RABGAP1L: variants seen among roughly 807,000 people sequenced by gnomAD.
RABGAP1L encodes RAB GTPase activating protein 1 like.
Under a neutral mutation model 137.7 loss-of-function variants are expected in RABGAP1L, and 63 were observed. The ratio of observed to expected loss-of-function variants is 0.46; its 90% CI spans 0.37 to 0.56. The LOEUF is 0.56. RABGAP1L is among the 20% of genes least tolerant of loss of function. RABGAP1L has a pLI of 0.00. For synonymous variants in RABGAP1L, 431 were observed against 433.7 expected, an observed-to-expected ratio of 0.99 and a Z score of 0.08; for missense variants, 1,095 against 1,244.0, an observed-to-expected ratio of 0.88 and a Z score of 1.80.
At chr1:174,419,325 T>G (rs191590685) in intron 13 of RABGAP1L, among the ~76,000 whole-genome samples, 7 of 152,304 alleles carry the variant, frequency 4.6e-5, no homozygotes, top group Admixed American at 4.6e-4. Flanking sequence ...TATCAGGCAA[T>G]GTCAACACTA....
rs190236730 is a variant in RABGAP1L at position 174,215,126 on chromosome 1, G to A, written c.-33-3999G>A. ...TTAATAACCAGAATATATAAGGAGC[G>A]CAAACAACTCTATAGGAAAAAGTCT... On this transcript the variant is annotated intron_variant, in intron 1 of 25. Transcript: ENST00000681986. Among the ~76,000 whole-genome samples the A allele has an allele frequency of 1.2e-4, 18 of 152,102 alleles. No individual in the cohort carries two copies. The East Asian group carries it at 2.7e-3, about 23-fold the overall frequency.
intron 13 of RABGAP1L, among the ~76,000 whole-genome samples, chr1:174,484,692 G>T (rs1456574431): frequency 6.6e-6 from 1 of 152,150 alleles, no homozygotes; most frequent in East Asian, 1.9e-4. Context: ...TGTCAAAAAT[G>T]AATTCATTGT....
intron 11 of RABGAP1L, among the ~76,000 whole-genome samples, chr1:174,306,515 GTGA>G (rs1386036859): frequency 6.6e-6 from 1 of 152,206 alleles, no homozygotes; most frequent in Non-Finnish European, 1.5e-5. Flanking sequence ...CTGATGGCCA[GTGA>G]TGATGAGCAT....
intron 4 of RABGAP1L, among the ~76,000 whole-genome samples, chr1:174,234,327 A>G (rs1670960596): frequency 1.6e-5 from 2 of 128,906 alleles, no homozygotes; most frequent in Non-Finnish European, 3.1e-5. Flanking sequence ...TGTTTTGGAC[A>G]TGAAGTCCTT....
chr1:174,958,302 T>G (rs1668789531), intron 20 of RABGAP1L: 1 of 893,012 alleles, frequency 1.1e-6, no homozygotes, highest in Non-Finnish European at 1.5e-6. Context: ...ATACGTTCGT[T>G]AATTGTGAAT....
chr1:174,417,977 G>A (rs1480385629), intron 13 of RABGAP1L, among the ~76,000 whole-genome samples: 1 of 152,076 alleles, frequency 6.6e-6, no homozygotes, highest in Non-Finnish European at 1.5e-5. Flanking sequence ...TTTTTATATT[G>A]TGATAAAATT....
chr1:174,219,147 G>A lies in RABGAP1L; in HGVS notation c.-11G>A, dbSNP rs2103640. On this transcript the variant is annotated 5_prime_UTR_variant, in exon 2 of 26. Transcript: ENST00000681986. ...CAGGTGGTTGTGGGAAGAGAAGTTT[G>A]CAGAACTGAAATGGAGGTCAGAGCT... The A allele has an allele frequency of 0.27, 430,096 of 1,579,636 alleles. 60,408 individuals carry two copies. Among genetic ancestry groups the A allele is most frequent in the African/African-American group, 0.37 (26,948 of 72,952 alleles).
chr1:174,285,665 G>T (rs1285992541), intron 10 of RABGAP1L, among the ~76,000 whole-genome samples: 1 of 152,028 alleles, frequency 6.6e-6, no homozygotes, highest in African/African-American at 2.4e-5. Flanking sequence ...ATGTTGAATA[G>T]ATGTGGTGAG....
Position 174,542,610 on chromosome 1 carries a change from C to T in RABGAP1L, c.1711-94765C>T, listed in dbSNP as rs188661117. ...CTATCTCCTTCATTTCTGCTCTGAT[C>T]TTAGTTATTTCTTGCCTTCTGCTGG... On this transcript the variant is annotated intron_variant, in intron 13 of 25. Transcript: ENST00000681986. 2.7e-4 allele frequency among the ~76,000 whole-genome samples: 41 copies of T among 152,114 alleles called. No individual in the cohort carries two copies. In the East Asian group the frequency reaches 5.2e-3, roughly 19 times the overall value.
At chr1:174,753,487 C>T (rs1684493710) in intron 18 of RABGAP1L, among the ~76,000 whole-genome samples, 1 of 152,180 alleles carries the variant, frequency 6.6e-6, no homozygotes, top group African/African-American at 2.4e-5. Context: ...TATTCCTTTA[C>T]ACATTTGCTC....
chr1:174,743,248 A>G (rs577163565), intron 17 of RABGAP1L, among the ~76,000 whole-genome samples: 24 of 152,170 alleles, frequency 1.6e-4, no homozygotes, highest in Non-Finnish European at 3.2e-4. Flanking sequence ...GGAAGCAATT[A>G]TGGTGAATGA....
intron 11 of RABGAP1L, among the ~76,000 whole-genome samples, chr1:174,308,777 A>G (rs1678542954): frequency 6.6e-6 from 1 of 151,976 alleles, no homozygotes; most frequent in Non-Finnish European, 1.5e-5. Flanking sequence ...TTACTTTAGC[A>G]TTGCACTAGA....
intron 13 of RABGAP1L, among the ~76,000 whole-genome samples, chr1:174,490,442 C>T (rs1411521371): frequency 6.6e-6 from 1 of 152,168 alleles, no homozygotes; most frequent in Non-Finnish European, 1.5e-5. Flanking sequence ...ACAGAGTTCT[C>T]TCTATGTTGA....
chr1:174,614,477 G>A (rs1021581084), intron 13 of RABGAP1L, among the ~76,000 whole-genome samples: 1 of 152,160 alleles, frequency 6.6e-6, no homozygotes, highest in Non-Finnish European at 1.5e-5. Flanking sequence ...CCCTTTGTGG[G>A]TAACCCAACC....
chr1:174,650,813 G>GT (rs1474490756), intron 14 of RABGAP1L, among the ~76,000 whole-genome samples: 1 of 145,952 alleles, frequency 6.9e-6, no homozygotes, highest in African/African-American at 2.7e-5. Flanking sequence ...TTTTTGAAGG[G>GT]TTTTTTGTGT....
intron 3 of RABGAP1L, among the ~76,000 whole-genome samples, chr1:174,225,794 G>C: frequency 6.6e-6 from 1 of 152,080 alleles, no homozygotes; most frequent in Admixed American, 6.6e-5. Flanking sequence ...GCTTTGTGCT[G>C]TTTTGCAGAA....
chr1:174,164,540 G>A (rs1664756462), intron 1 of RABGAP1L, among the ~76,000 whole-genome samples: 1 of 152,176 alleles, frequency 6.6e-6, no homozygotes, highest in Non-Finnish European at 1.5e-5. Flanking sequence ...TGCAAGACCA[G>A]TTGTGCATAT....
intron 8 of RABGAP1L, among the ~76,000 whole-genome samples, chr1:174,274,093 C>G (rs1674771587): frequency 6.6e-6 from 1 of 152,062 alleles, no homozygotes; most frequent in African/African-American, 2.4e-5. Context: ...CTGGTTATTA[C>G]AAAGTTATTT....
chr1:174,181,816 A>G (rs1439349878), intron 1 of RABGAP1L, among the ~76,000 whole-genome samples: 1 of 152,220 alleles, frequency 6.6e-6, no homozygotes, highest in African/African-American at 2.4e-5. Flanking sequence ...AAACAAATTA[A>G]GGGCTCTGCC....
Sources: gnomAD v4.1 joint callset for allele counts (sites outside exome capture counted in the v4.1 genomes callset) on GRCh38, gnomAD v4.1.1 for gene constraint, MANE v1.5 for transcripts, NCBI Gene and HGNC (gene_info 2026-07-23, HGNC 2026-07-21) for gene names.